The following CDRT4 variants were observed in gnomAD, a reference collection of about 807,000 sequenced individuals.
The protein encoded by CDRT4 is CMT1A duplicated region transcript 4 protein.
For synonymous variants in CDRT4, 64 were observed against 69.6 expected, an observed-to-expected ratio of 0.92 and a Z score of 0.40; for missense variants, 167 against 193.1, an observed-to-expected ratio of 0.87 and a Z score of 0.80.
chr17:15,438,061 G>A lies in CDRT4; in HGVS notation c.171C>T (p.Ala57=). The change falls in exon 4 of 4, where the codon GCC becomes GCT. Residue 57 remains alanine, a synonymous_variant. Transcript: ENST00000619038. ...TTGATGCCCAGGGTCTTTCCTCGAG[G>A]GCACGCATGCATTCCAGTTCTCTAG... ...SKTRELECMR[A]LEERPWASRQ... 1 of 1,614,086 alleles carries A rather than the reference G, an allele frequency of 6.2e-7. No homozygotes were observed. The highest frequency in any genetic ancestry group is 8.5e-7 in the Non-Finnish European group (1 of 1,180,016).
chr17:15,439,031 A>C (rs1978632277), intron 3 of CDRT4: 1 of 432,514 alleles, frequency 2.3e-6, no homozygotes, highest in Admixed American at 2.5e-5. Context: ...TTAGTTTATC[A>C]AGCAGCCTGT....
chr17:15,441,369 T>C (rs1443253931), intron 2 of CDRT4, among the ~76,000 whole-genome samples: 7 of 152,232 alleles, frequency 4.6e-5, no homozygotes, highest in African/African-American at 1.7e-4. Flanking sequence ...TCAGTAGGTC[T>C]GTTTTGAGGA....
Position 15,438,196 on chromosome 17 carries a change from G to A in CDRT4, c.36C>T (p.Leu12=), listed in dbSNP as rs1165521635. 1 of 1,612,546 alleles carries A rather than the reference G, an allele frequency of 6.2e-7. No homozygotes were observed. Among genetic ancestry groups the A allele is most frequent in the Admixed American group, 1.7e-5 (1 of 59,846 alleles). The change falls in exon 4 of 4, where the codon CTC becomes CTT. Residue 12 remains leucine (L), a synonymous_variant. Transcript: ENST00000619038. ...DARRMKKEEG[L]TENTGLPRKL... The stretch of plus-strand genomic sequence containing the variant: ...TCCGGGGAAGTCCAGTGTTTTCTGT[G>A]AGTCCTACCAACAAAGAGAAATGCA...
chr17:15,449,562 A>G (rs1338546500), intron 2 of CDRT4, among the ~76,000 whole-genome samples: 1 of 151,754 alleles, frequency 6.6e-6, no homozygotes, highest in Non-Finnish European at 1.5e-5. Flanking sequence ...TTTTTTTAAT[A>G]TTATATTTAT....
chr17:15,440,021 T>C (rs1253385571), intron 3 of CDRT4, among the ~76,000 whole-genome samples, 187 bp downstream of exon 3: 1 of 151,904 alleles, frequency 6.6e-6, no homozygotes, highest in Admixed American at 6.6e-5. Flanking sequence ...CACACCAACA[T>C]GTCACATGTA....
At position 15,437,806 on chromosome 17, in the gene CDRT4, A is replaced by C. The variant is rs1383692892; in HGVS notation, c.426T>G (p.Pro142=). ...GAACTGTAGGGAGCATCCTCATCATAGGCTTGCGGGCAAAGATGATCTTGT... is the reference window on the plus strand; with the variant it reads ...GAACTGTAGGGAGCATCCTCATCATCGGCTTGCGGGCAAAGATGATCTTGT... ...NYNKIIFARK[P]MMRMLPTVRY The change falls in exon 4 of 4, where the codon CCT becomes CCG. Residue 142 remains proline, a synonymous_variant. Coordinates refer to ENST00000619038, the MANE Select transcript of CDRT4 (RefSeq NM_001204477.2). 1 of 1,614,194 alleles carries C rather than the reference A, an allele frequency of 6.2e-7. No individual in the cohort carries two copies. The highest frequency in any genetic ancestry group is 2.2e-5 in the East Asian group (1 of 44,882).
chr17:15,446,468 G>A (rs1464067085), intron 2 of CDRT4, among the ~76,000 whole-genome samples: 3 of 152,052 alleles, frequency 2.0e-5, no homozygotes, highest in Non-Finnish European at 2.9e-5. Context: ...GTGGGGAGGG[G>A]CGAATTGGTC....
At chr17:15,449,236 A>G (rs1256601897) in intron 2 of CDRT4, among the ~76,000 whole-genome samples, 3 of 152,232 alleles carry the variant, frequency 2.0e-5, no homozygotes, top group African/African-American at 7.2e-5. Flanking sequence ...TGACCAGGGC[A>G]CACGCTAAGT....
intron 2 of CDRT4, among the ~76,000 whole-genome samples, chr17:15,446,717 G>A (rs1206131074): frequency 1.3e-5 from 2 of 152,156 alleles, no homozygotes; most frequent in African/African-American, 4.8e-5. Context: ...ACATCAGGGT[G>A]GGGAGGTGGG....
intron 3 of CDRT4, 132 bp downstream of exon 3, chr17:15,440,076 C>T (rs1978684836): frequency 2.7e-6 from 2 of 753,734 alleles, no homozygotes; most frequent in East Asian, 6.1e-5. Context: ...TACCCTAGAA[C>T]TTTAAGTATA....
chr17:15,463,842 G>A (rs954648760), intron 1 of CDRT4, among the ~76,000 whole-genome samples: 2 of 152,192 alleles, frequency 1.3e-5, no homozygotes, highest in Admixed American at 6.5e-5. Flanking sequence ...GGGAGCCCCA[G>A]AAGGTCCTAG....
intron 1 of CDRT4, among the ~76,000 whole-genome samples, chr17:15,456,644 G>A (rs933196880): frequency 4.6e-5 from 7 of 151,832 alleles, no homozygotes; most frequent in Non-Finnish European, 7.4e-5. Context: ...GGTCTAGAAT[G>A]GAGTAAGTTT....
At chr17:15,453,732 T>G (rs1979364298) in intron 1 of CDRT4, among the ~76,000 whole-genome samples, 2 of 152,164 alleles carry the variant, frequency 1.3e-5, no homozygotes, top group Admixed American at 1.3e-4. Context: ...ACAATTGTTT[T>G]GGGGAAAGTG....
intron 2 of CDRT4, among the ~76,000 whole-genome samples, chr17:15,442,236 C>A (rs910220700): frequency 6.6e-6 from 1 of 151,994 alleles, no homozygotes; most frequent in Non-Finnish European, 1.5e-5. Flanking sequence ...CATGGTGAAA[C>A]CCTGTCTCTA....
At chr17:15,465,413 C>A (rs1052957692) in intron 1 of CDRT4, among the ~76,000 whole-genome samples, 7 of 150,914 alleles carry the variant, frequency 4.6e-5, no homozygotes, top group African/African-American at 1.7e-4. Flanking sequence ...ACACAACACA[C>A]ACCAACACAG....
At chr17:15,444,400 C>G (rs1262135507) in intron 2 of CDRT4, among the ~76,000 whole-genome samples, 1 of 152,110 alleles carries the variant, frequency 6.6e-6, no homozygotes, top group African/African-American at 2.4e-5. Flanking sequence ...GTGCCCACTC[C>G]CAACATCGTG....
chr17:15,459,298 C>T (rs1597468120), intron 1 of CDRT4, among the ~76,000 whole-genome samples: 1 of 152,296 alleles, frequency 6.6e-6, no homozygotes, highest in East Asian at 1.9e-4. Flanking sequence ...AGGGGCTCTG[C>T]CATCCTTTCT....
At chr17:15,461,276 C>A (rs1013181271) in intron 1 of CDRT4, among the ~76,000 whole-genome samples, 1 of 152,174 alleles carries the variant, frequency 6.6e-6, no homozygotes, top group Non-Finnish European at 1.5e-5. Flanking sequence ...GAGCTCTGTG[C>A]CAGGCATAGG....
intron 1 of CDRT4, among the ~76,000 whole-genome samples, chr17:15,458,416 G>C (rs1979585522): frequency 6.6e-6 from 1 of 152,126 alleles, no homozygotes; most frequent in Non-Finnish European, 1.5e-5. Context: ...GAGTGGAGGG[G>C]GGAACCTTCA....
Sources: gnomAD v4.1 joint callset for allele counts (sites outside exome capture counted in the v4.1 genomes callset) on GRCh38, gnomAD v4.1.1 for gene constraint, MANE v1.5 for transcripts, NCBI Gene and HGNC (gene_info 2026-07-23, HGNC 2026-07-21) for gene names.